The following FGR variants were observed in gnomAD, a reference collection of about 807,000 sequenced individuals.
FGR encodes tyrosine-protein kinase Fgr.
FGR carries 26 observed loss-of-function variants against 63.2 expected under a neutral mutation model. The ratio of observed to expected loss-of-function variants is 0.41; its 90% CI spans 0.30 to 0.57. The LOEUF (loss-of-function observed/expected upper bound fraction) is 0.57. FGR is among the 20% of genes least tolerant of loss of function. FGR has a pLI of 0.27. For missense variants in FGR, 511 were observed against 690.8 expected, an observed-to-expected ratio of 0.74 and a Z score of 2.92; for synonymous variants, 286 against 277.7, an observed-to-expected ratio of 1.03 and a Z score of -0.30.
In FGR at chr1:27,617,324, G is replaced by C. The variant is rs951039555; in HGVS notation, c.429-28C>G. On this transcript the variant is annotated intron_variant, in intron 5 of 12. Coordinates refer to ENST00000374005, the MANE Select transcript of FGR (RefSeq NM_005248.3). This position sits in a 1 kb window ranked among gnomAD's most constrained non-coding sequence, Gnocchi z 4.5. ...GTTGGGAAAGGCAGGCAAGAGTCAGGTACGCTCTGCTCAAACCTCACCTCA... is the reference window on the plus strand; with the variant it reads ...GTTGGGAAAGGCAGGCAAGAGTCAGCTACGCTCTGCTCAAACCTCACCTCA... The C allele has an allele frequency of 1.9e-6, 3 of 1,554,114 alleles. No individual in the cohort carries two copies. Among genetic ancestry groups the C allele is most frequent in the Non-Finnish European group, 2.7e-6 (3 of 1,125,992 alleles).
At chr1:27,627,755 C>T (rs1167040515) in intron 1 of FGR, among the ~76,000 whole-genome samples, 1 of 152,102 alleles carries the variant, frequency 6.6e-6, no homozygotes, top group African/African-American at 2.4e-5. Flanking sequence ...ATTACAGGCA[C>T]CCAACACCAT....
chr1:27,616,999 G>C lies in FGR; in HGVS notation c.540C>G (p.Tyr180Ter). 1 of 1,614,182 alleles carries C rather than the reference G, an allele frequency of 6.2e-7. No individual in the cohort carries two copies. The highest frequency in any genetic ancestry group is 1.3e-5 in the African/African-American group (1 of 75,060). Residue 180 changes from tyrosine (Y) to a stop codon, truncating the protein, a stop_gained, in exon 7 of 13, where the codon TAC becomes TAG. Transcript: ENST00000374005. LOFTEE classifies it high-confidence loss of function. This position sits in a 1 kb window ranked among gnomAD's most constrained non-coding sequence, Gnocchi z 4.3. ...GATCCCAGTCCCGGATGGACAGGGA[G>C]TAGGCACCTGTGGAGAGGATCACTT... ...IRESETTKGA[Y>*]SLSIRDWDQT...
rs1354492033 is a variant in FGR at position 27,617,155 on chromosome 1, G to A, written c.532+38C>T. 5 of 1,604,166 alleles carry A rather than the reference G, an allele frequency of 3.1e-6. No individual in the cohort carries two copies. Among genetic ancestry groups the A allele is most frequent in the Non-Finnish European group, 4.3e-6 (5 of 1,171,534 alleles). ...GCTCCTAGCCCTACCCCAATGGCTG[G>A]GCCTCCCAGTCGCCTTGGGGCGTGG... is the stretch of plus-strand genomic sequence containing the variant. On this transcript the variant is annotated intron_variant, in intron 6 of 12. Transcript: ENST00000374005. This position sits in a 1 kb window ranked among gnomAD's most constrained non-coding sequence, Gnocchi z 4.5.
intron 11 of FGR, among the ~76,000 whole-genome samples, 174 bp from the exon 12 acceptor site, chr1:27,613,524 G>A (rs1459780720): frequency 2.6e-5 from 4 of 152,122 alleles, no homozygotes; most frequent in Middle Eastern, 6.8e-3. Context: ...CCAACATGGC[G>A]AAACCCTGTC....
At chr1:27,623,573 C>A (rs961270715) in intron 3 of FGR, 118 bp downstream of exon 3, 1 of 1,003,958 alleles carries the variant, frequency 1.0e-6, no homozygotes, top group Non-Finnish European at 1.5e-6. Context: ...ATCTTGAAAG[C>A]GGGGTTGTAT....
In FGR at chr1:27,621,466, G is replaced by C. The variant is rs1162155483; in HGVS notation, c.428+93C>G. The C allele has an allele frequency of 8.3e-6, 7 of 840,142 alleles. No homozygotes were observed. The East Asian group carries it at 1.5e-4, about 18-fold the overall frequency. The allele number at this position is 840,142 out of a possible 1,614,324, so 52.0% of individuals were successfully genotyped here. On this transcript the variant is annotated intron_variant, in intron 5 of 12. Transcript: ENST00000374005. Reference sequence around the variant, plus strand: ...AATTATTAGATAAGGAGACAGGCTCGGACTGGAGCAATGACTTGTCCAAGA... The same window carrying C: ...AATTATTAGATAAGGAGACAGGCTCCGACTGGAGCAATGACTTGTCCAAGA...
intron 5 of FGR, among the ~76,000 whole-genome samples, chr1:27,619,554 G>A (rs181895386): frequency 2.6e-5 from 4 of 152,188 alleles, no homozygotes; most frequent in East Asian, 1.9e-4. Flanking sequence ...GCCCTAGCCC[G>A]TTGTGCCCTC....
intron 3 of FGR, chr1:27,623,479 A>G (rs905607964): frequency 7.9e-6 from 5 of 633,512 alleles, no homozygotes; most frequent in African/African-American, 7.3e-5. Flanking sequence ...TGCCCCTCTC[A>G]GACTGGGAGT....
At chr1:27,614,765 C>T (rs1391462177) in intron 10 of FGR, 85 bp downstream of exon 10, 3 of 1,416,800 alleles carry the variant, frequency 2.1e-6, no homozygotes, top group Non-Finnish European at 2.9e-6. Flanking sequence ...GCGGGGCCGC[C>T]CTCCCAGGCG....
chr1:27,623,283 T>A, intron 3 of FGR, 139 bp from the exon 4 acceptor site: 1 of 642,986 alleles, frequency 1.6e-6, no homozygotes, highest in Non-Finnish European at 2.8e-6. Flanking sequence ...GCCTTTGGGG[T>A]CCAAGGAATT....
chr1:27,627,787 T>C (rs2090044976), intron 1 of FGR, among the ~76,000 whole-genome samples: 1 of 152,140 alleles, frequency 6.6e-6, no homozygotes, highest in Admixed American at 6.5e-5. Flanking sequence ...TTCTGTATTT[T>C]TAGTAGCGAT....
Position 27,613,090 on chromosome 1 carries a change from C to G in FGR, c.1414G>C (p.Glu472Gln). Residue 472 changes from glutamate to glutamine, a missense_variant, in exon 13 of 13, where the codon GAG (glutamate) becomes CAG (glutamine). Glu to Gln is a conservative substitution (Grantham distance 29). Coordinates refer to ENST00000374005, the MANE Select transcript of FGR (RefSeq NM_005248.3). The stretch of plus-strand genomic sequence containing the variant: ...GGGCACGGCATGTGGTAGCCCTGCT[C>G]CACCTGTTCCAACACTTCCCGTTTA... ...MNKREVLEQVEQGYHMPCPPG... is the reference protein window; with the variant it reads ...MNKREVLEQVQQGYHMPCPPG... The G allele has an allele frequency of 1.9e-6, 3 of 1,614,196 alleles. No homozygotes were observed. The highest frequency in any genetic ancestry group is 2.5e-6 in the Non-Finnish European group (3 of 1,180,020).
In FGR at chr1:27,612,872, G is replaced by T. The variant is rs1277517384; in HGVS notation, c.*42C>A. ...GAAGAACAGCTCTGGGGATTGGCAAGGACTGGTGGCCACCGCCAGAGAGGG... is the reference window on the plus strand; with the variant it reads ...GAAGAACAGCTCTGGGGATTGGCAATGACTGGTGGCCACCGCCAGAGAGGG... On this transcript the variant is annotated 3_prime_UTR_variant, in exon 13 of 13. Transcript: ENST00000374005. 2 of 1,569,594 alleles carry T rather than the reference G, an allele frequency of 1.3e-6. No individual in the cohort carries two copies. The highest frequency in any genetic ancestry group is 2.3e-5 in the South Asian group (2 of 87,984).
Position 27,615,014 on chromosome 1 carries a change from C to T in FGR, c.1019-88G>A. The T allele has an allele frequency of 9.8e-7, 1 of 1,022,098 alleles. No homozygotes were observed. The highest frequency in any genetic ancestry group is 1.5e-6 in the Non-Finnish European group (1 of 671,268). 63.3% of individuals were successfully genotyped at this position (1,022,098 alleles called of 1,614,324 possible). Reference sequence around the variant, plus strand: ...CGCTTGACCCCGCCCCTCAGCCCCTCCCACCTGGACCCGCCCCTCACTTAG... The same window carrying T: ...CGCTTGACCCCGCCCCTCAGCCCCTTCCACCTGGACCCGCCCCTCACTTAG... On this transcript the variant is annotated intron_variant, in intron 9 of 12. Transcript: ENST00000374005. The surrounding 1 kb of genome is among the most constrained non-coding windows in gnomAD (Gnocchi z 7.6).
chr1:27,627,445 TG>T (rs2090039046), intron 1 of FGR, among the ~76,000 whole-genome samples: 1 of 58,200 alleles, frequency 1.7e-5, no homozygotes, highest in Non-Finnish European at 3.6e-5. Flanking sequence ...TGCATGCACA[TG>T]AACACACACA....
chr1:27,620,457 AT>A (rs1451141507), intron 5 of FGR, among the ~76,000 whole-genome samples: 1 of 152,140 alleles, frequency 6.6e-6, no homozygotes, highest in African/African-American at 2.4e-5. Flanking sequence ...CTATAAAAAA[AT>A]ATACAAAAAT....
Position 27,615,651 on chromosome 1 carries a change from A to G in FGR, c.838+38T>C. 6.3e-7 allele frequency: 1 copy of G among 1,593,954 alleles called. No homozygotes were observed. The highest frequency in any genetic ancestry group is 8.6e-7 in the Non-Finnish European group (1 of 1,164,314). On this transcript the variant is annotated intron_variant, in intron 8 of 12. Coordinates refer to ENST00000374005, the MANE Select transcript of FGR (RefSeq NM_005248.3). The surrounding 1 kb of genome is among the most constrained non-coding windows in gnomAD (Gnocchi z 7.6). ...TGTCTTGTCAGGACCCTCTCCCCCGAGCCCAGGCCCTCGTCCCGGCCCCCG... is the reference window on the plus strand; with the variant it reads ...TGTCTTGTCAGGACCCTCTCCCCCGGGCCCAGGCCCTCGTCCCGGCCCCCG...
chr1:27,613,723 CAG>C (rs1322281727), intron 11 of FGR, among the ~76,000 whole-genome samples: 1 of 141,638 alleles, frequency 7.1e-6, no homozygotes, highest in Admixed American at 7.1e-5. Context: ...AAAAAAGAGA[CAG>C]AGAGAGAATG....
rs1486409465 is a variant in FGR at position 27,614,902 on chromosome 1, T to C, written c.1043A>G (p.Asn348Ser). Residue 348 changes from asparagine to serine, a missense_variant, in exon 10 of 13, where the codon AAC (asparagine) becomes AGC (serine). Asn to Ser is a conservative substitution (Grantham distance 46). Coordinates refer to ENST00000374005, the MANE Select transcript of FGR (RefSeq NM_005248.3). ...CHGSLLDFLK[N>S]PEGQDLRLPQ... is the part of the protein sequence containing the mutation. ...CAGCCTCAAATCCTGGCCCTCTGGG[T>C]TCTTGAGAAAATCCAGCAAGCTGCC... 6.3e-7 allele frequency: 1 copy of C among 1,599,510 alleles called. No homozygotes were observed. The highest frequency in any genetic ancestry group is 8.5e-7 in the Non-Finnish European group (1 of 1,171,914).
Sources: allele counts gnomAD v4.1 joint callset (sites outside exome capture counted in the v4.1 genomes callset), GRCh38; gene constraint gnomAD v4.1.1; non-coding constraint Gnocchi (gnomAD v3.1); transcripts MANE v1.5; gene names NCBI Gene and HGNC (gene_info 2026-07-23, HGNC 2026-07-21).